The following ZDHHC7 variants were observed in gnomAD, a reference collection of about 807,000 sequenced individuals.
ZDHHC7 encodes zDHHC palmitoyltransferase 7.
ZDHHC7 carries 12 observed loss-of-function variants against 34.1 expected under a neutral mutation model. The ratio of observed to expected loss-of-function variants is 0.35; its 90% CI spans 0.23 to 0.57. ZDHHC7 has a LOEUF of 0.57. Among genes scored for constraint, ZDHHC7 ranks in the 20% least tolerant of loss-of-function variants. ZDHHC7 has a pLI of 0.84. For missense variants in ZDHHC7, 388 were observed against 402.7 expected (o/e 0.96, Z 0.31); for synonymous variants, 185 against 155.4 (o/e 1.19, Z -1.42).
At chr16:85,007,176 C>A (rs916952148) in intron 1 of ZDHHC7, among the ~76,000 whole-genome samples, 1 of 151,958 alleles carries the variant, frequency 6.6e-6, no homozygotes, top group Non-Finnish European at 1.5e-5. Context: ...GTAATCCCAG[C>A]ACTTTGGGAG....
At chr16:85,013,399 C>T (rs867704902), upstream of ZDHHC7, among the ~76,000 whole-genome samples, 5 of 152,080 alleles carry the variant, frequency 3.3e-5, no homozygotes, top group Non-Finnish European at 2.9e-5. Flanking sequence ...CCCGCCACCA[C>T]GTCCGGCTAA....
chr16:85,012,950 A>T (rs1463492687), upstream of ZDHHC7, among the ~76,000 whole-genome samples: 1 of 152,052 alleles, frequency 6.6e-6, no homozygotes, highest in Non-Finnish European at 1.5e-5. Context: ...ACCGCAAAAT[A>T]TGCCTCTTCG....
Position 84,978,456 on chromosome 16 carries a change from G to A in ZDHHC7, c.538-451C>T, listed in dbSNP as rs917871760. Among the ~76,000 whole-genome samples, 103 of 152,212 alleles carry A rather than the reference G, an allele frequency of 6.8e-4. 1 individual carries two copies. Among genetic ancestry groups the A allele is most frequent in the Non-Finnish European group, 2.4e-4 (16 of 68,040 alleles). On this transcript the variant is annotated intron_variant, in intron 5 of 7. Transcript: ENST00000313732. ...AATAATTTTATAGAAAAATATAGCTGGGCATGGTGGCTCACGCCTGTAATC... is the reference window on the plus strand; with the variant it reads ...AATAATTTTATAGAAAAATATAGCTAGGCATGGTGGCTCACGCCTGTAATC...
At chr16:84,979,966 T>A (rs1029485712) in intron 4 of ZDHHC7, among the ~76,000 whole-genome samples, 1 of 145,916 alleles carries the variant, frequency 6.9e-6, no homozygotes, top group African/African-American at 2.6e-5. Flanking sequence ...TTTTTTTTTT[T>A]TTTTTTGAGA....
intron 1 of ZDHHC7, among the ~76,000 whole-genome samples, chr16:85,001,727 C>G (rs2072655658): frequency 6.6e-6 from 1 of 152,092 alleles, no homozygotes; most frequent in South Asian, 2.1e-4. Context: ...CACCTAATTC[C>G]CAGATCTTGG....
chr16:84,986,952 C>A (rs909898095), intron 3 of ZDHHC7, among the ~76,000 whole-genome samples: 2 of 152,198 alleles, frequency 1.3e-5, no homozygotes, highest in African/African-American at 4.8e-5. Context: ...TGACACCTGA[C>A]CCTGCTGGGC....
intron 1 of ZDHHC7, among the ~76,000 whole-genome samples, chr16:85,001,834 A>T (rs2072656859): frequency 6.6e-6 from 1 of 152,124 alleles, no homozygotes; most frequent in South Asian, 2.1e-4. Flanking sequence ...TGTCGGCCAA[A>T]GTGCTGGGAT....
At chr16:84,985,066 T>G (rs1189106734) in intron 3 of ZDHHC7, among the ~76,000 whole-genome samples, 1 of 152,208 alleles carries the variant, frequency 6.6e-6, no homozygotes, top group Non-Finnish European at 1.5e-5. Context: ...CTAAAACACT[T>G]CTTGAATGTT....
intron 1 of ZDHHC7, among the ~76,000 whole-genome samples, chr16:85,009,104 C>A (rs1388755213): frequency 6.6e-6 from 1 of 151,698 alleles, no homozygotes; most frequent in East Asian, 1.9e-4. Flanking sequence ...CCCCAAAAAG[C>A]TGCTTTAGTA....
At chr16:84,980,186 CG>C in intron 4 of ZDHHC7, among the ~76,000 whole-genome samples, 1 of 151,136 alleles carries the variant, frequency 6.6e-6, no homozygotes, top group Non-Finnish European at 1.5e-5. Flanking sequence ...AGGATGGTCT[CG>C]ATCTCCTGAC....
intron 2 of ZDHHC7, among the ~76,000 whole-genome samples, chr16:84,992,719 G>C (rs2072527460): frequency 1.3e-5 from 2 of 152,190 alleles, no homozygotes; most frequent in African/African-American, 4.8e-5. Context: ...AGCAGGCAGA[G>C]TGCAGAAACC....
At chr16:85,013,540 G>T (rs1027378519), upstream of ZDHHC7, among the ~76,000 whole-genome samples, 2 of 152,022 alleles carry the variant, frequency 1.3e-5, no homozygotes, top group African/African-American at 2.4e-5. Flanking sequence ...ACCACGCCCG[G>T]CCAAAGGTAT....
chr16:85,019,010 T>G, the ZDHHC7 span, among the ~76,000 whole-genome samples: 1,105 of 152,234 alleles, frequency 7.3e-3, 10 homozygotes, highest in Middle Eastern at 0.037. Context: ...CCGCTGTAGG[T>G]GGAGCAGGTC....
At chr16:85,013,363 C>T (rs562487881), upstream of ZDHHC7, among the ~76,000 whole-genome samples, 75 of 152,038 alleles carry the variant, frequency 4.9e-4, no homozygotes, top group African/African-American at 1.8e-3. Flanking sequence ...CTGCCTCAAC[C>T]TCCTGAGTAG....
chr16:84,981,830 G>A, intron 4 of ZDHHC7, 40 bp downstream of exon 4: 1 of 1,613,018 alleles, frequency 6.2e-7, no homozygotes, highest in East Asian at 2.2e-5. Flanking sequence ...CGTACCCGCA[G>A]TGGCGGATGC....
chr16:85,013,982 T>C (rs2047599), upstream of ZDHHC7, among the ~76,000 whole-genome samples: 97,035 of 152,106 alleles, frequency 0.64, 33,090 homozygotes, highest in African/African-American at 0.88. Flanking sequence ...GCCACTGCAC[T>C]CAGCCTAATT....
At chr16:84,977,647 A>G (rs1024655161) in intron 6 of ZDHHC7, among the ~76,000 whole-genome samples, 4 of 152,112 alleles carry the variant, frequency 2.6e-5, no homozygotes, top group Non-Finnish European at 5.9e-5. Context: ...TATTTTCACT[A>G]CACTTGCTTA....
At chr16:85,005,698 A>C (rs764688280) in intron 1 of ZDHHC7, among the ~76,000 whole-genome samples, 2 of 152,250 alleles carry the variant, frequency 1.3e-5, no homozygotes, top group Non-Finnish European at 2.9e-5. Flanking sequence ...GTGAACTCTA[A>C]AAGCTGGTCT....
chr16:84,997,950 CAG>C (rs2143693002), intron 1 of ZDHHC7, among the ~76,000 whole-genome samples: 1 of 132,556 alleles, frequency 7.5e-6, no homozygotes, highest in Admixed American at 7.8e-5. Flanking sequence ...AACTAGAAGA[CAG>C]AGAGAAAACA....
Sources: allele counts gnomAD v4.1 joint callset (sites outside exome capture counted in the v4.1 genomes callset), GRCh38; gene constraint gnomAD v4.1.1; transcripts MANE v1.5; gene names NCBI Gene and HGNC (gene_info 2026-07-23, HGNC 2026-07-21).